Variants in EPS8L2 observed in about 807,000 individuals in gnomAD.
The protein encoded by EPS8L2 is epidermal growth factor receptor kinase substrate 8-like protein 2.
In EPS8L2, 81 loss-of-function variants were observed where a neutral mutation model predicts 99.4. That is an observed-to-expected ratio of 0.82 (90% CI 0.68 to 0.98). The LOEUF (loss-of-function observed/expected upper bound fraction) is 0.98, where lower values mean the gene tolerates loss of function less well. EPS8L2 is among the 50% of genes least tolerant of loss of function. The pLI is 0.00. For missense variants in EPS8L2, 1,155 were observed against 968.8 expected (o/e 1.19, Z -2.55); for synonymous variants, 509 against 407.3 (o/e 1.25, Z -3.01).
At chr11:719,448 G>A (rs990587506) in intron 4 of EPS8L2, among the ~76,000 whole-genome samples, 14 of 152,246 alleles carry the variant, frequency 9.2e-5, no homozygotes, top group African/African-American at 3.4e-4. Context: ...GGAAAGAGGA[G>A]AGGTGAAGGG....
rs1298349579 is a variant in EPS8L2 at position 709,536 on chromosome 11, C to CA, written c.45-16dup. On this transcript the variant is annotated splice_polypyrimidine_tract_variant and intron_variant, in intron 2 of 20. Transcript: ENST00000318562. ...GGGGTGCAGTTTGGCCCTGCCCTGA[C>CA]AGCCCCTCCCCTGCAGTGGCAGCCT... 4 of 1,610,020 alleles carry CA rather than the reference C, an allele frequency of 2.5e-6. No homozygotes were observed. Among genetic ancestry groups the CA allele is most frequent in the Non-Finnish European group, 3.4e-6 (4 of 1,178,120 alleles).
At chr11:718,115 C>T (rs1862068642) in intron 4 of EPS8L2, among the ~76,000 whole-genome samples, 1 of 152,188 alleles carries the variant, frequency 6.6e-6, no homozygotes, top group African/African-American at 2.4e-5. Flanking sequence ...GGCAGATAAC[C>T]TGAAGTCAGT....
At position 724,805 on chromosome 11, in the gene EPS8L2, G is replaced by A. The variant is rs143959905; in HGVS notation, c.1536G>A (p.Ser512=). Residue 512 remains serine, a synonymous_variant, in exon 16 of 21, where the codon TCG becomes TCA. Transcript: ENST00000318562. This position sits in a 1 kb window ranked among gnomAD's most constrained non-coding sequence, Gnocchi z 5.5. ...CAGCCCGAAATGCCAACGAGCTATC[G>A]GTGCTCAAGGATGAGGTCCTAGAGG... ...DFTARNANEL[S]VLKDEVLEVL... 1.3e-5 allele frequency: 21 copies of A among 1,613,254 alleles called. No individual in the cohort carries two copies. The highest frequency in any genetic ancestry group is 5.0e-5 in the Admixed American group (3 of 59,996).
At chr11:726,064 G>T (rs780481033) in intron 17 of EPS8L2, 34 bp from the exon 18 acceptor site, 3 of 1,452,308 alleles carry the variant, frequency 2.1e-6, no homozygotes, top group Admixed American at 2.0e-5. Flanking sequence ...CGGGGGCGGG[G>T]CGTGGGGAGC....
chr11:707,734 G>A (rs1296918743), intron 1 of EPS8L2, among the ~76,000 whole-genome samples: 1 of 152,036 alleles, frequency 6.6e-6, no homozygotes, highest in Non-Finnish European at 1.5e-5. Flanking sequence ...ATGCCCTGCA[G>A]GCAACCGAAG....
chr11:726,146 C>G lies in EPS8L2; in HGVS notation c.1729C>G (p.Pro577Ala), dbSNP rs1413596780. The G allele has an allele frequency of 2.5e-6, 4 of 1,609,262 alleles. No homozygotes were observed. Among genetic ancestry groups the G allele is most frequent in the Middle Eastern group, 1.7e-4 (1 of 6,004 alleles). Reference sequence around the variant, plus strand: ...CGCCAGCCCGACCCACAAGCTACCCCCAAGCTTCCCGGGGAACAAAGACGG... The same window carrying G: ...CGCCAGCCCGACCCACAAGCTACCCGCAAGCTTCCCGGGGAACAAAGACGG... ...GPASPTHKLP[P>A]SFPGNKDELM... Residue 577 changes from proline to alanine, a missense_variant, in exon 18 of 21, where the codon CCA (proline) becomes GCA (alanine). Physicochemically the swap from Pro to Ala is conservative, Grantham distance 27. Coordinates refer to ENST00000318562, the MANE Select transcript of EPS8L2 (RefSeq NM_022772.4).
intron 4 of EPS8L2, among the ~76,000 whole-genome samples, chr11:711,022 A>G (rs1861874373): frequency 6.6e-6 from 1 of 152,112 alleles, no homozygotes; most frequent in Non-Finnish European, 1.5e-5. Flanking sequence ...GGAGGAGATG[A>G]TCATCCTGGC....
chr11:722,342 G>A (rs925230423), intron 12 of EPS8L2, 59 bp from the exon 13 acceptor site: 34 of 1,589,768 alleles, frequency 2.1e-5, no homozygotes, highest in African/African-American at 6.7e-5. Context: ...GTGGAGCTAC[G>A]GGGGTGCTGG....
In EPS8L2 at chr11:721,884, G is replaced by A. The variant is rs1209600068; in HGVS notation, c.896-19G>A. On this transcript the variant is annotated intron_variant, in intron 10 of 20. Transcript: ENST00000318562. ...GGAGATCAGGGCCAGCCTGGCTCAC[G>A]CGGTGCCTCCCATGCCAGAGGGCGT... The A allele has an allele frequency of 1.0e-5, 16 of 1,571,234 alleles. No individual in the cohort carries two copies. The highest frequency in any genetic ancestry group is 4.6e-5 in the South Asian group (4 of 86,608).
At chr11:723,905 C>G (rs188576148) in intron 15 of EPS8L2, among the ~76,000 whole-genome samples, 1 of 152,208 alleles carries the variant, frequency 6.6e-6, no homozygotes, top group Admixed American at 6.5e-5. Context: ...CCCTCCCACA[C>G]CCCAGGATTC....
rs757141090 is a variant in EPS8L2, at chr11:709,386, G to A, written c.-22G>A. 2.7e-5 allele frequency: 42 copies of A among 1,567,428 alleles called. No homozygotes were observed. The highest frequency in any genetic ancestry group is 3.4e-4 in the Middle Eastern group (2 of 5,852). On this transcript the variant is annotated 5_prime_UTR_variant, in exon 2 of 21. Transcript: ENST00000318562. ...CCACACTGAGGTCTGCCCTTCTCCC[G>A]CTGGCCGCCACCCAAGACACCATGA...
chr11:714,979 A>G (rs569067094), intron 4 of EPS8L2, among the ~76,000 whole-genome samples: 3 of 152,146 alleles, frequency 2.0e-5, no homozygotes, highest in Non-Finnish European at 4.4e-5. Context: ...GCGGTGGCTC[A>G]TGCCTGTAAT....
In EPS8L2 at chr11:724,676, G is replaced by A; in HGVS notation, c.1455-48G>A. 1 of 1,382,210 alleles carries A rather than the reference G, an allele frequency of 7.2e-7. No homozygotes were observed. Among genetic ancestry groups the A allele is most frequent in the Non-Finnish European group, 1.0e-6 (1 of 970,456 alleles). The allele number at this position is 1,382,210 out of a possible 1,614,324, so 85.6% of individuals were successfully genotyped here. A position where few individuals can be genotyped will look rare whatever the true frequency, so the allele number is the denominator to read the frequency against. ...CCCCCCAGCCACTGCCCAGGTCTCA[G>A]AGGAGACCCCCACCAGACTGGGCCT... is the stretch of plus-strand genomic sequence containing the variant. On this transcript the variant is annotated intron_variant, in intron 15 of 20. Coordinates refer to ENST00000318562, the MANE Select transcript of EPS8L2 (RefSeq NM_022772.4). This position sits in a 1 kb window ranked among gnomAD's most constrained non-coding sequence, Gnocchi z 5.5.
intron 6 of EPS8L2, 40 bp from the exon 7 acceptor site, chr11:720,790 G>T (rs1564975470): frequency 6.5e-7 from 1 of 1,542,442 alleles, no homozygotes. Context: ...CCGCCGCGCC[G>T]CGCCCCGCCC....
Position 726,646 on chromosome 11 carries a change from CG to C in EPS8L2, c.1965del (p.Pro656ArgfsTer11). Reference protein sequence around the residue: ...RIVENLGILTGPQLFSLNKEE... With the variant: ...RIVENLGILTXPQLFSLNKEE... Reference sequence around the variant, plus strand: ...TCGTGGAGAACCTGGGCATCCTGACCGGGCCGCAGCTCTTCTCCCTCAACAA... The same window carrying C: ...TCGTGGAGAACCTGGGCATCCTGACCGGCCGCAGCTCTTCTCCCTCAACAA... On this transcript the variant is annotated frameshift_variant, in exon 20 of 21. Coordinates refer to ENST00000318562, the MANE Select transcript of EPS8L2 (RefSeq NM_022772.4). LOFTEE classifies it high-confidence loss of function. 1 of 1,556,918 alleles carries C rather than the reference CG, an allele frequency of 6.4e-7. No homozygotes were observed. Among genetic ancestry groups the C allele is most frequent in the Non-Finnish European group, 8.7e-7 (1 of 1,150,854 alleles).
chr11:715,280 T>C (rs534268958), intron 4 of EPS8L2, among the ~76,000 whole-genome samples: 1 of 152,244 alleles, frequency 6.6e-6, no homozygotes, highest in African/African-American at 2.4e-5. Flanking sequence ...TGTTATTGTT[T>C]CTTCCTTAGA....
At chr11:706,788 G>A (rs1369177974) in intron 1 of EPS8L2, 2 of 152,746 alleles carry the variant, frequency 1.3e-5, no homozygotes, top group Non-Finnish European at 2.9e-5. Context: ...CAGTGGCCGG[G>A]AAGCACCAGC....
At chr11:717,041 A>G (rs1408384462) in intron 4 of EPS8L2, among the ~76,000 whole-genome samples, 2 of 152,184 alleles carry the variant, frequency 1.3e-5, no homozygotes, top group Non-Finnish European at 2.9e-5. Context: ...CAATGGCACG[A>G]TCTCGGCTCA....
Position 722,438 on chromosome 11 carries a change from C to T in EPS8L2, c.1097C>T (p.Ser366Phe). ...TGCAGTGGCCCAGACATCGCACGCT[C>T]CGTCTCCTGCCCACTGCTCTCCCGA... ...NTCSGPDIAR[S>F]VSCPLLSRDA... The change falls in exon 13 of 21, where the codon TCC (serine) becomes TTC (phenylalanine). Residue 366 changes from serine to phenylalanine, a missense_variant. Coordinates refer to ENST00000318562, the MANE Select transcript of EPS8L2 (RefSeq NM_022772.4). The T allele has an allele frequency of 6.2e-7, 1 of 1,613,474 alleles. No individual in the cohort carries two copies. The highest frequency in any genetic ancestry group is 8.5e-7 in the Non-Finnish European group (1 of 1,179,950).
Sources: allele counts gnomAD v4.1 joint callset (sites outside exome capture counted in the v4.1 genomes callset), GRCh38; gene constraint gnomAD v4.1.1; non-coding constraint Gnocchi (gnomAD v3.1); transcripts MANE v1.5; gene names NCBI Gene and HGNC (gene_info 2026-07-23, HGNC 2026-07-21).